Variants in SLC2A7 observed in about 807,000 individuals in gnomAD.
SLC2A7 encodes solute carrier family 2, facilitated glucose transporter member 7.
A neutral mutation model predicts 50.5 loss-of-function variants in SLC2A7; 50 were observed. The ratio of observed to expected loss-of-function variants is 0.99; its 90% CI spans 0.79 to 1.25. The LOEUF (loss-of-function observed/expected upper bound fraction) is 1.25, where lower values mean the gene tolerates loss of function less well. Among genes scored for constraint, SLC2A7 ranks in the 50% most tolerant of loss-of-function variants. The pLI, the probability that SLC2A7 is intolerant of heterozygous loss-of-function variation, is 0.00. For missense variants in SLC2A7, 683 were observed against 679.1 expected (o/e 1.01, Z -0.06); for synonymous variants, 308 against 300.4 (o/e 1.03, Z -0.26).
chr1:9,024,895 CG>C lies in SLC2A7; in HGVS notation c.150+80del, dbSNP rs2124270010. On this transcript the variant is annotated intron_variant, in intron 2 of 11. Coordinates refer to ENST00000400906, the MANE Select transcript of SLC2A7 (RefSeq NM_207420.3). Reference sequence around the variant, plus strand: ...CCTACAGGCAAGATGGCAGCCTCCACGGAGGAAGATGGCGGCTACCTTCCAC... The same window carrying C: ...CCTACAGGCAAGATGGCAGCCTCCACGAGGAAGATGGCGGCTACCTTCCAC... The C allele has an allele frequency of 4.0e-6, 6 of 1,490,992 alleles. No individual in the cohort carries two copies. In the South Asian group the frequency reaches 6.8e-5, roughly 17 times the overall value. 92.4% of individuals were successfully genotyped at this position (1,490,992 alleles called of 1,614,324 possible).
Position 9,015,191 on chromosome 1 carries a change from A to G in SLC2A7, c.641T>C (p.Leu214Pro), listed in dbSNP as rs1453904379. 6.2e-7 allele frequency: 1 copy of G among 1,610,708 alleles called. No individual in the cohort carries two copies. The highest frequency in any genetic ancestry group is 8.5e-7 in the Non-Finnish European group (1 of 1,178,968). The change falls in exon 6 of 12, where the codon CTG becomes CCG. Residue 214 changes from leucine (L) to proline (P), a missense_variant. Physicochemically the swap from Leu to Pro is moderately conservative, Grantham distance 98. Coordinates refer to ENST00000400906, the MANE Select transcript of SLC2A7 (RefSeq NM_207420.3). Reference sequence around the variant, plus strand: ...GCTTTCGGGGAAGAAGGGCAGGGTCAGCAGCTGCAGCAGGGCGGGCACCCC... The same window carrying G: ...GCTTTCGGGGAAGAAGGGCAGGGTCGGCAGCTGCAGCAGGGCGGGCACCCC... ...LTGVPALLQL[L>P]TLPFFPESPR...
chr1:9,019,562 T>A (rs980001248), intron 3 of SLC2A7, among the ~76,000 whole-genome samples: 4 of 152,020 alleles, frequency 2.6e-5, no homozygotes, highest in African/African-American at 9.7e-5. Context: ...GGTGAATAGG[T>A]CATGTGGGGC....
chr1:9,018,493 A>G, intron 4 of SLC2A7, 118 bp from the exon 5 acceptor site: 5 of 1,415,366 alleles, frequency 3.5e-6, no homozygotes, highest in Non-Finnish European at 4.8e-6. Flanking sequence ...CTCCGTGGAG[A>G]TGGAGCTCGG....
At position 9,003,031 on chromosome 1, in the gene SLC2A7, G is replaced by C. The variant is rs1403713960; in HGVS notation, c.*269C>G. Among the ~76,000 whole-genome samples the C allele has an allele frequency of 6.6e-6, 1 of 152,206 alleles. No homozygotes were observed. Among genetic ancestry groups the C allele is most frequent in the Non-Finnish European group, 1.5e-5 (1 of 68,036 alleles). On this transcript the variant is annotated 3_prime_UTR_variant, in exon 12 of 12. Transcript: ENST00000400906. ...TGCATCTATACATCATTTAAATTTT[G>C]GTGCCAATGTAGAATCGGAAAATCG...
rs755688872 is a variant in SLC2A7 at position 9,023,036 on chromosome 1, C to T, written c.193G>A (p.Ala65Thr). 51 of 1,613,954 alleles carry T rather than the reference C, an allele frequency of 3.2e-5. No individual in the cohort carries two copies. The highest frequency in any genetic ancestry group is 4.5e-5 in the East Asian group (2 of 44,894). Residue 65 changes from alanine to threonine, a missense_variant, in exon 3 of 12, where the codon GCA becomes ACA. Coordinates refer to ENST00000400906, the MANE Select transcript of SLC2A7 (RefSeq NM_207420.3). Reference protein sequence around the residue: ...FYNETYFERHATFMDGKLMLL... With the variant: ...FYNETYFERHTTFMDGKLMLL... The stretch of plus-strand genomic sequence containing the variant: ...ATGAGCTTCCCGTCCATGAATGTTG[C>T]GTGTCGCTCAAAGTAGGTTTCGTTG...
At chr1:9,013,667 C>A in intron 7 of SLC2A7, 32 bp from the exon 8 acceptor site, 1 of 1,587,960 alleles carries the variant, frequency 6.3e-7, no homozygotes, top group Non-Finnish European at 8.6e-7. Context: ...TCAGGACAGG[C>A]CGGAAGACCC....
chr1:8,998,274 G>A (rs774304310), downstream of SLC2A7, among the ~76,000 whole-genome samples: 4 of 152,010 alleles, frequency 2.6e-5, no homozygotes, highest in South Asian at 4.1e-4. Context: ...GTGTGGTGGC[G>A]GGCGCCTGCA....
In SLC2A7 at chr1:9,014,742, C is replaced by T. The variant is rs774648387; in HGVS notation, c.842G>A (p.Arg281His). 1.7e-5 allele frequency: 27 copies of T among 1,577,470 alleles called. No individual in the cohort carries two copies. The highest frequency in any genetic ancestry group is 5.5e-5 in the Admixed American group (3 of 54,074). The change falls in exon 7 of 12, where the codon CGC (arginine) becomes CAC (histidine). Residue 281 changes from arginine to histidine, a missense_variant. By Grantham distance (29) the Arg-to-His change is conservative. Coordinates refer to ENST00000400906, the MANE Select transcript of SLC2A7 (RefSeq NM_207420.3). ...VLHLCALRSL[R>H]WQLLSIIVLM... The stretch of plus-strand genomic sequence containing the variant: ...CACGATGATGGAGAGGAGCTGCCAG[C>T]GCAGGGACCGCAGGGCACAGAGGTG...
chr1:8,993,064 G>T, the SLC2A7 span, among the ~76,000 whole-genome samples: 1 of 152,200 alleles, frequency 6.6e-6, no homozygotes, highest in Admixed American at 6.5e-5. Flanking sequence ...AAAGAAAGAG[G>T]TTTAATTTGA....
intron 9 of SLC2A7, among the ~76,000 whole-genome samples, chr1:9,009,242 G>A (rs984149599): frequency 5.9e-5 from 9 of 152,216 alleles, no homozygotes; most frequent in East Asian, 3.8e-4. Flanking sequence ...CAGTGCTGCC[G>A]TTCCTGCACA....
chr1:9,016,151 C>T (rs770804031), intron 5 of SLC2A7, among the ~76,000 whole-genome samples: 81 of 152,280 alleles, frequency 5.3e-4, no homozygotes, highest in Non-Finnish European at 9.0e-4. Context: ...TAATACTCAG[C>T]GGCTCTGGGA....
intron 9 of SLC2A7, among the ~76,000 whole-genome samples, chr1:9,007,797 G>A (rs1316970824): frequency 6.6e-6 from 1 of 150,850 alleles, no homozygotes; most frequent in Non-Finnish European, 1.5e-5. Flanking sequence ...GAAGTGCAGT[G>A]GCACAGTCTT....
chr1:8,996,927 C>T, the SLC2A7 span, among the ~76,000 whole-genome samples: 1 of 152,052 alleles, frequency 6.6e-6, no homozygotes, highest in Non-Finnish European at 1.5e-5. Context: ...AGGTGTGTGC[C>T]ACCACGCCCG....
At position 9,004,331 on chromosome 1, in the gene SLC2A7, T is replaced by TAAAAAAA. The variant is rs761127530; in HGVS notation, c.1320+414_1320+420dup. Reference sequence around the variant, plus strand: ...CTGGGTGACAGAGCAAGGCCCTGTCTAAAAAAAAAAAAAAAAGACTGCTTA... The same window carrying TAAAAAAA: ...CTGGGTGACAGAGCAAGGCCCTGTCTAAAAAAAAAAAAAAAAAAAAAAAGACTGCTTA... On this transcript the variant is annotated intron_variant, in intron 11 of 11. Coordinates refer to ENST00000400906, the MANE Select transcript of SLC2A7 (RefSeq NM_207420.3). Among the ~76,000 whole-genome samples the TAAAAAAA allele has an allele frequency of 9.1e-4, 109 of 119,860 alleles. 2 individuals carry two copies. The highest frequency in any genetic ancestry group is 3.2e-3 in the African/African-American group (97 of 30,054). The allele number at this position is 119,860 out of a possible 152,430, so 78.6% of individuals were successfully genotyped here. A position where few individuals can be genotyped will look rare whatever the true frequency, so the allele number is the denominator to read the frequency against.
Position 9,007,340 on chromosome 1 carries a change from C to G in SLC2A7, c.1162G>C (p.Ala388Pro). ...LSYLGIICVFAYIAGHSIGPS... is the reference protein window; with the variant it reads ...LSYLGIICVFPYIAGHSIGPS... ...CCAATGGAATGTCCCGCGATGTAGG[C>G]AAAGACACAGATGATGCCGAGGTAG... Residue 388 changes from alanine (A) to proline (P), a missense_variant, in exon 10 of 12, where the codon GCC becomes CCC. By Grantham distance (27) the Ala-to-Pro change is conservative. Coordinates refer to ENST00000400906, the MANE Select transcript of SLC2A7 (RefSeq NM_207420.3). The G allele has an allele frequency of 1.9e-6, 3 of 1,614,206 alleles. No individual in the cohort carries two copies. The highest frequency in any genetic ancestry group is 2.5e-6 in the Non-Finnish European group (3 of 1,180,032).
At position 9,023,089 on chromosome 1, in the gene SLC2A7, T is replaced by C. The variant is rs372723632; in HGVS notation, c.151-11A>G. On this transcript the variant is annotated splice_polypyrimidine_tract_variant and intron_variant, in intron 2 of 11. Transcript: ENST00000400906. ...AAATGACTTGAAGACCTGGAAAACA[T>C]TGCCCCATCCACAGCTAAGAATATT... is the stretch of plus-strand genomic sequence containing the variant. The C allele has an allele frequency of 6.6e-5, 107 of 1,611,528 alleles. 1 individual carries two copies. The highest frequency in any genetic ancestry group is 4.0e-4 in the East Asian group (18 of 44,806).
intron 9 of SLC2A7, among the ~76,000 whole-genome samples, chr1:9,009,425 T>C (rs1480404904): frequency 6.6e-6 from 1 of 152,186 alleles, no homozygotes; most frequent in Non-Finnish European, 1.5e-5. Flanking sequence ...GTCTGCTGTG[T>C]TTTAGTCTTA....
chr1:9,004,645 A>T, intron 11 of SLC2A7, 107 bp downstream of exon 11: 1 of 1,404,476 alleles, frequency 7.1e-7, no homozygotes, highest in Non-Finnish European at 9.9e-7. Context: ...TGTGTCTGAG[A>T]GCCTGTCCCC....
chr1:9,017,830 C>T (rs1301989498), intron 5 of SLC2A7, among the ~76,000 whole-genome samples: 2 of 152,204 alleles, frequency 1.3e-5, no homozygotes, highest in Non-Finnish European at 2.9e-5. Flanking sequence ...AGAAAACAGC[C>T]ACCCAGTGAC....
Sources: allele counts gnomAD v4.1 joint callset (sites outside exome capture counted in the v4.1 genomes callset), GRCh38; gene constraint gnomAD v4.1.1; transcripts MANE v1.5; gene names NCBI Gene and HGNC (gene_info 2026-07-23, HGNC 2026-07-21).